The following MMEL1 variants were observed in gnomAD, a reference collection of about 807,000 sequenced individuals.
MMEL1 encodes the protein membrane metalloendopeptidase like 1, also known as membrane metallo-endopeptidase-like 1.
A neutral mutation model predicts 117.1 loss-of-function variants in MMEL1; 98 were observed. The observed-to-expected ratio is 0.84, with a 90% CI of 0.71 to 0.99. MMEL1 has a LOEUF of 0.99. Among genes scored for constraint, MMEL1 ranks in the 50% least tolerant of loss-of-function variants. The probability of loss-of-function intolerance (pLI) is 0.00; values close to 1 mark genes in which losing one functional copy is unlikely to be tolerated. For synonymous variants in MMEL1, 390 were observed against 415.1 expected, an observed-to-expected ratio of 0.94 and a Z score of 0.74; for missense variants, 1,014 against 1,049.1, an observed-to-expected ratio of 0.97 and a Z score of 0.46.
intron 6 of MMEL1, 114 bp downstream of exon 6, chr1:2,609,225 G>T (rs1035906253): frequency 5.0e-6 from 5 of 1,005,182 alleles, no homozygotes; most frequent in African/African-American, 1.6e-5. Flanking sequence ...AGTCCTAAAG[G>T]CACCCACTCC....
chr1:2,591,745 G>T lies in MMEL1; in HGVS notation c.2164-112C>A, dbSNP rs576831641. On this transcript the variant is annotated intron_variant, in intron 22 of 23. Coordinates refer to ENST00000378412, the MANE Select transcript of MMEL1 (RefSeq NM_033467.4). ...CCCCTTCTAGGGTGGGGTGAGGGGA[G>T]TCAGCAGGTGCTCCCCTCCTCCCAT... The T allele has an allele frequency of 2.3e-3, 2,421 of 1,071,660 alleles. 12 individuals are homozygous for T. Among genetic ancestry groups the T allele is most frequent in the Non-Finnish European group, 3.1e-3 (2,133 of 694,520 alleles). 66.4% of individuals were successfully genotyped at this position (1,071,660 alleles called of 1,614,324 possible).
chr1:2,600,470 G>A (rs797021624), intron 11 of MMEL1, among the ~76,000 whole-genome samples: 31 of 152,168 alleles, frequency 2.0e-4, no homozygotes, highest in African/African-American at 7.2e-4. Context: ...AGGCCAGGGC[G>A]GGAGGACTGC....
rs1638423505 is a variant in MMEL1 at position 2,629,285 on chromosome 1, G to T, written c.154+46C>A. 2.0e-6 allele frequency: 3 copies of T among 1,503,744 alleles called. No homozygotes were observed. In the East Asian group the frequency reaches 7.8e-5, roughly 39 times the overall value. 93.2% of individuals were successfully genotyped at this position (1,503,744 alleles called of 1,614,324 possible). A position where few individuals can be genotyped will look rare whatever the true frequency, so the allele number is the denominator to read the frequency against. ...GCAGCAGGTGCAGCGGGGCGAGCGC[G>T]GAGAGCGGGCACGGGGACAGGCGGG... On this transcript the variant is annotated intron_variant, in intron 2 of 23. Coordinates refer to ENST00000378412, the MANE Select transcript of MMEL1 (RefSeq NM_033467.4).
intron 23 of MMEL1, 88 bp from the exon 24 acceptor site, chr1:2,591,177 A>C: frequency 1.1e-6 from 1 of 884,782 alleles, no homozygotes; most frequent in South Asian, 1.8e-5. Flanking sequence ...AAACCAGCCC[A>C]AAACATCAGC....
intron 11 of MMEL1, among the ~76,000 whole-genome samples, chr1:2,599,779 C>T (rs1644902014): frequency 6.6e-6 from 1 of 150,606 alleles, no homozygotes; most frequent in Non-Finnish European, 1.5e-5. Flanking sequence ...ATCGCTTGAA[C>T]CTGGGAGGCA....
Position 2,591,961 on chromosome 1 carries a change from C to T in MMEL1, c.2134G>A (p.Glu712Lys), listed in dbSNP as rs772713319. 2 of 1,613,448 alleles carry T rather than the reference C, an allele frequency of 1.2e-6. No individual in the cohort carries two copies. Among genetic ancestry groups the T allele is most frequent in the South Asian group, 2.2e-5 (2 of 91,084 alleles). Residue 712 changes from glutamate (E) to lysine (K), a missense_variant, in exon 22 of 24, where the codon GAG becomes AAG. Coordinates refer to ENST00000378412, the MANE Select transcript of MMEL1 (RefSeq NM_033467.4). The part of the protein sequence containing the change: ...QQLPGLDLTH[E>K]QLFFINYAQV... ...GCATAGTTGATGAAGAAGAGCTGCT[C>T]ATGGGTGAGATCCAGGCCGGGCAGC...
intron 8 of MMEL1, 83 bp from the exon 9 acceptor site, chr1:2,605,706 A>C: frequency 9.6e-7 from 1 of 1,039,954 alleles, no homozygotes; most frequent in Non-Finnish European, 1.5e-6. Context: ...CCGCCTCCCC[A>C]CAGGACTGTG....
intron 2 of MMEL1, among the ~76,000 whole-genome samples, chr1:2,622,659 TG>T (rs1269507030): frequency 6.6e-6 from 1 of 151,562 alleles, no homozygotes; most frequent in Non-Finnish European, 1.5e-5. Context: ...CCAAGGCTGG[TG>T]GATCACCTGA....
At chr1:2,594,982 T>C in intron 16 of MMEL1, 89 bp from the exon 17 acceptor site, 1 of 1,150,910 alleles carries the variant, frequency 8.7e-7, no homozygotes, top group Non-Finnish European at 1.3e-6. Context: ...GGGAAGGACC[T>C]CAAGCCTTGC....
intron 6 of MMEL1, among the ~76,000 whole-genome samples, chr1:2,608,678 C>G (rs1211482980): frequency 6.6e-6 from 1 of 151,976 alleles, no homozygotes; most frequent in South Asian, 2.1e-4. Context: ...AGAATACACA[C>G]ATATACACAT....
At chr1:2,620,201 G>A (rs1198406435) in intron 2 of MMEL1, among the ~76,000 whole-genome samples, 3 of 152,138 alleles carry the variant, frequency 2.0e-5, no homozygotes, top group African/African-American at 4.8e-5. Context: ...ACAGAGGAGC[G>A]GCAGTTAGGC....
At chr1:2,605,764 C>T (rs533589018) in intron 8 of MMEL1, 141 bp from the exon 9 acceptor site, 11 of 415,428 alleles carry the variant, frequency 2.6e-5, no homozygotes, top group East Asian at 1.2e-4. Context: ...GAGCTTGTGC[C>T]GGACCCGGGA....
At position 2,612,071 on chromosome 1, in the gene MMEL1, T is replaced by C. The variant is rs544073124; in HGVS notation, c.232+56A>G. 1.0e-5 allele frequency: 15 copies of C among 1,451,598 alleles called. No homozygotes were observed. In the East Asian group the frequency reaches 3.4e-4, roughly 33 times the overall value. The allele number at this position is 1,451,598 out of a possible 1,614,324, so 89.9% of individuals were successfully genotyped here. On this transcript the variant is annotated intron_variant, in intron 3 of 23. Transcript: ENST00000378412. The surrounding 1 kb of genome is among the most constrained non-coding windows in gnomAD (Gnocchi z 5.4). ...GCCCCTCCACGGAGTCCCCCCACCTTGGGAGGCCAGCGCCCACCTGCCTGG... is the reference window on the plus strand; with the variant it reads ...GCCCCTCCACGGAGTCCCCCCACCTCGGGAGGCCAGCGCCCACCTGCCTGG...
intron 16 of MMEL1, 30 bp from the exon 17 acceptor site, chr1:2,594,923 G>A: frequency 3.2e-6 from 5 of 1,580,782 alleles, no homozygotes; most frequent in Non-Finnish European, 4.3e-6. Context: ...ACTGCCAGAT[G>A]CTGGGGCCGG....
At chr1:2,617,595 A>G (rs1403879496) in intron 2 of MMEL1, among the ~76,000 whole-genome samples, 1 of 151,990 alleles carries the variant, frequency 6.6e-6, no homozygotes, top group Non-Finnish European at 1.5e-5. Flanking sequence ...GCGAGATTCT[A>G]TCTCAAAAAA....
intron 19 of MMEL1, among the ~76,000 whole-genome samples, chr1:2,593,315 G>C (rs551238772): frequency 6.6e-6 from 1 of 152,328 alleles, no homozygotes; most frequent in East Asian, 1.9e-4. Flanking sequence ...CGTGGTCCCT[G>C]GGGACAAGGA....
At chr1:2,624,944 G>A (rs1057428899) in intron 2 of MMEL1, among the ~76,000 whole-genome samples, 8 of 152,172 alleles carry the variant, frequency 5.3e-5, no homozygotes, top group Admixed American at 1.3e-4. Context: ...GAGAGAGCGC[G>A]AAGGGGGAGG....
intron 2 of MMEL1, among the ~76,000 whole-genome samples, chr1:2,621,531 T>C (rs1557555539): frequency 6.6e-6 from 1 of 152,086 alleles, no homozygotes; most frequent in Non-Finnish European, 1.5e-5. Flanking sequence ...TGGAAGCCCC[T>C]ACTTGGAGTT....
rs375405433 is a variant in MMEL1, at chr1:2,608,177, A to T, written c.536-1108T>A. On this transcript the variant is annotated intron_variant, in intron 6 of 23. Coordinates refer to ENST00000378412, the MANE Select transcript of MMEL1 (RefSeq NM_033467.4). ...GCACCCAAGCAGGGGTCTCACGGAG[A>T]CGCCCCCTAAAGCCAGGGTCCCAGC... 2.7e-4 allele frequency among the ~76,000 whole-genome samples: 41 copies of T among 152,148 alleles called. No individual in the cohort carries two copies. In the East Asian group the frequency reaches 4.5e-3, roughly 17 times the overall value.
Sources: allele counts gnomAD v4.1 joint callset (sites outside exome capture counted in the v4.1 genomes callset), GRCh38; gene constraint gnomAD v4.1.1; non-coding constraint Gnocchi (gnomAD v3.1); transcripts MANE v1.5; gene names NCBI Gene and HGNC (gene_info 2026-07-23, HGNC 2026-07-21).